KRT15: variants seen among roughly 807,000 people sequenced by gnomAD.
KRT15 encodes the protein keratin, type I cytoskeletal 15.
A neutral mutation model predicts 46.6 loss-of-function variants in KRT15; 45 were observed. The ratio of observed to expected loss-of-function variants is 0.97; its 90% CI spans 0.76 to 1.24. KRT15 has a LOEUF of 1.24. KRT15 is among the 50% of genes most tolerant of loss of function. KRT15 has a pLI of 0.00. For synonymous variants in KRT15, 221 were observed against 233.8 expected (o/e 0.95, Z 0.50); for missense variants, 592 against 588.9 (o/e 1.01, Z -0.05).
At position 41,516,891 on chromosome 17, in the gene KRT15, G is replaced by T. The variant is rs763346260; in HGVS notation, c.655C>A (p.Leu219Met). ...INGLRRVLDE[L>M]TLARTDLEMQ... ...TCCAGGTCAGTCCTGGCCAGGGTCA[G>T]CTCATCCAGGACTCGGCGCAAGCCG... The change falls in exon 3 of 8, where the codon CTG becomes ATG. Residue 219 changes from leucine (L) to methionine (M), a missense_variant. Leu to Met is a conservative substitution (Grantham distance 15, BLOSUM62 2). Transcript: ENST00000254043. 3 of 1,614,222 alleles carry T rather than the reference G, an allele frequency of 1.9e-6. No individual in the cohort carries two copies. The highest frequency in any genetic ancestry group is 2.2e-5 in the East Asian group (1 of 44,878).
intron 1 of KRT15, 22 bp downstream of exon 1, chr17:41,518,308 T>C (rs1353783278): frequency 6.3e-7 from 1 of 1,599,088 alleles, no homozygotes; most frequent in Non-Finnish European, 8.5e-7. Context: ...TGCTCCCCTC[T>C]CTTTGACATC....
Position 41,516,225 on chromosome 17 carries a change from T to G in KRT15, c.779A>C (p.Asn260Thr). ...EFSSQLAGQV[N>T]VEMDAAPGVD... Reference sequence around the variant, plus strand: ...ACCCGGTGCTGCGTCCATCTCCACATTGACCTGGCCGGCCAGCTGGCTGCT... The same window carrying G: ...ACCCGGTGCTGCGTCCATCTCCACAGTGACCTGGCCGGCCAGCTGGCTGCT... The change falls in exon 4 of 8, where the codon AAT becomes ACT. Residue 260 changes from asparagine (N) to threonine (T), a missense_variant. By Grantham distance (65) the Asn-to-Thr change is moderately conservative. Transcript: ENST00000254043. The G allele has an allele frequency of 6.2e-7, 1 of 1,614,060 alleles. No individual in the cohort carries two copies. The highest frequency in any genetic ancestry group is 8.5e-7 in the Non-Finnish European group (1 of 1,180,000).
At chr17:41,516,615 C>T (rs1366270283) in intron 3 of KRT15, among the ~76,000 whole-genome samples, 193 bp downstream of exon 3, 2 of 152,212 alleles carry the variant, frequency 1.3e-5, no homozygotes, top group African/African-American at 4.8e-5. Context: ...AGGTGTGTTT[C>T]TGAACCACTA....
At chr17:41,516,477 G>C (rs1452006116) in intron 3 of KRT15, among the ~76,000 whole-genome samples, 1 of 152,140 alleles carries the variant, frequency 6.6e-6, no homozygotes, top group Non-Finnish European at 1.5e-5. Context: ...AGACTGTAGG[G>C]CCCTGATGTG....
Position 41,518,464 on chromosome 17 carries a change from T to C in KRT15, c.364A>G (p.Lys122Glu), listed in dbSNP as rs767940611. ...TTGGCCTCCTCCAGGGCACGTACCT[T>C]GTCCAGGTAGGAGGCCAGGCGGTCA... The part of the protein sequence containing the change: ...LNDRLASYLD[K>E]VRALEEANAD... The change falls in exon 1 of 8, where the codon AAG becomes GAG. Residue 122 changes from lysine (K) to glutamate (E), a missense_variant. Transcript: ENST00000254043. 1 of 1,614,046 alleles carries C rather than the reference T, an allele frequency of 6.2e-7. No homozygotes were observed. Among genetic ancestry groups the C allele is most frequent in the Non-Finnish European group, 8.5e-7 (1 of 1,179,994 alleles).
In KRT15 at chr17:41,515,453, C is replaced by T. The variant is rs745479172; in HGVS notation, c.1247+19G>A. On this transcript the variant is annotated intron_variant, in intron 6 of 7. Transcript: ENST00000254043. ...ACAAGCAGCCCTCATCACTCCTTCC[C>T]CTGTGCCCAGGCGCCTACTTGGCAT... The T allele has an allele frequency of 1.2e-6, 2 of 1,609,258 alleles. No homozygotes were observed. The highest frequency in any genetic ancestry group is 2.2e-5 in the East Asian group (1 of 44,848).
At chr17:41,514,753 T>C (rs1427348701) in intron 6 of KRT15, 79 bp from the exon 7 acceptor site, 10 of 1,479,412 alleles carry the variant, frequency 6.8e-6, no homozygotes, top group Non-Finnish European at 8.5e-6. Flanking sequence ...TAGATAGCTA[T>C]GCAGTGTTCT....
chr17:41,514,445 C>G, intron 7 of KRT15: 1 of 610,118 alleles, frequency 1.6e-6, no homozygotes, highest in East Asian at 2.8e-5. Flanking sequence ...CCTACTCAAC[C>G]TGGAAGTTTC....
intron 1 of KRT15, among the ~76,000 whole-genome samples, chr17:41,518,108 C>T (rs780891619): frequency 2.0e-5 from 3 of 152,098 alleles, no homozygotes; most frequent in Non-Finnish European, 4.4e-5. Flanking sequence ...ACCAGATTCC[C>T]AAGACCCCTC....
Position 41,516,185 on chromosome 17 carries a change from A to T in KRT15, c.819T>A (p.Arg273=), listed in dbSNP as rs1352527183. The change falls in exon 4 of 8, where the codon CGT becomes CGA. Residue 273 remains arginine, a synonymous_variant. Transcript: ENST00000254043. ...ACTGCTCCCTCATCTCTGCCAGCAC[A>T]CGGGTCAGGTCCACACCCGGTGCTG... ...MDAAPGVDLT[R]VLAEMREQYE... The T allele has an allele frequency of 7.4e-6, 12 of 1,614,000 alleles. No individual in the cohort carries two copies. Among genetic ancestry groups the T allele is most frequent in the Non-Finnish European group, 1.0e-5 (12 of 1,180,028 alleles).
In KRT15 at chr17:41,517,450, T is replaced by C. The variant is rs1390109707; in HGVS notation, c.499-285A>G. ...AAGGAGGCAGTATTGCCTGTGGGAA[T>C]TGGTTGCCCAGGAGAGTGGGGCAGT... On this transcript the variant is annotated intron_variant, in intron 1 of 7. Transcript: ENST00000254043. 6.7e-6 allele frequency: 3 copies of C among 444,634 alleles called. No homozygotes were observed. In the East Asian group the frequency reaches 1.4e-4, roughly 21 times the overall value. The allele number at this position is 444,634 out of a possible 1,614,324, so 27.5% of individuals were successfully genotyped here. A position where few individuals can be genotyped will look rare whatever the true frequency, so the allele number is the denominator to read the frequency against.
In KRT15 at chr17:41,516,687, T is replaced by C. The variant is rs539753881; in HGVS notation, c.738+121A>G. The C allele has an allele frequency of 2.5e-6, 3 of 1,177,682 alleles. No homozygotes were observed. In the East Asian group the frequency reaches 7.2e-5, roughly 28 times the overall value. The allele number at this position is 1,177,682 out of a possible 1,614,324, so 73.0% of individuals were successfully genotyped here. A position where few individuals can be genotyped will look rare whatever the true frequency, so the allele number is the denominator to read the frequency against. ...CACTCTGCCTCCCACTGACTTAATC[T>C]CGTGAAAATCTGGGAGGGCTTCCTG... On this transcript the variant is annotated intron_variant, in intron 3 of 7. Transcript: ENST00000254043.
intron 1 of KRT15, chr17:41,517,409 C>T: frequency 3.8e-6 from 2 of 530,560 alleles, no homozygotes; most frequent in Non-Finnish European, 6.8e-6. Flanking sequence ...TCCTTATCTC[C>T]AGGGCACGAA....
rs1358569986 is a variant in KRT15 at position 41,518,348 on chromosome 17, A to C, written c.480T>G (p.Ile160Met). 4 of 1,612,940 alleles carry C rather than the reference A, an allele frequency of 2.5e-6. No homozygotes were observed. The highest frequency in any genetic ancestry group is 3.3e-5 in the Admixed American group (2 of 60,000). Residue 160 changes from isoleucine (I) to methionine (M), a missense_variant, in exon 1 of 8, where the codon ATT becomes ATG. By Grantham distance (10) the Ile-to-Met change is conservative (BLOSUM62 1). Coordinates refer to ENST00000254043, the MANE Select transcript of KRT15 (RefSeq NM_002275.4). ...ECDYSQYFKT[I>M]EELRDKIMAT... The stretch of plus-strand genomic sequence containing the variant: ...GACTCACCTTGTCCCGGAGCTCTTC[A>C]ATGGTCTTGAAGTATTGGCTGTAGT...
Position 41,516,253 on chromosome 17 carries a change from A to T in KRT15, c.751T>A (p.Phe251Ile). 6.2e-7 allele frequency: 1 copy of T among 1,612,806 alleles called. No individual in the cohort carries two copies. The change falls in exon 4 of 8, where the codon TTC (phenylalanine) becomes ATC (isoleucine). Residue 251 changes from phenylalanine to isoleucine, a missense_variant. Physicochemically the swap from Phe to Ile is conservative, Grantham distance 21 (BLOSUM62 0). Coordinates refer to ENST00000254043, the MANE Select transcript of KRT15 (RefSeq NM_002275.4). Reference protein sequence around the residue: ...KKNHEEEMKEFSSQLAGQVNV... With the variant: ...KKNHEEEMKEISSQLAGQVNV... ...ACCTGGCCGGCCAGCTGGCTGCTGA[A>T]CTCCTTCATCTCCTGCAGGATGGGA...
At chr17:41,514,334 T>C (rs1905259558) in intron 7 of KRT15, 1 of 601,680 alleles carries the variant, frequency 1.7e-6, no homozygotes, top group Non-Finnish European at 3.0e-6. Context: ...AGCAACAATG[T>C]CAGGGTTTTT....
chr17:41,513,985 TG>T lies in KRT15; in HGVS notation c.*37del. On this transcript the variant is annotated 3_prime_UTR_variant, in exon 8 of 8. Coordinates refer to ENST00000254043, the MANE Select transcript of KRT15 (RefSeq NM_002275.4). ...AGTCCTCCACTTGGCCTGATGAGAGTGGGGAGTGGCAAGGGACGTTTCTCCT... is the reference window on the plus strand; with the variant it reads ...AGTCCTCCACTTGGCCTGATGAGAGTGGGAGTGGCAAGGGACGTTTCTCCT... The T allele has an allele frequency of 6.9e-7, 1 of 1,457,046 alleles. No homozygotes were observed. The highest frequency in any genetic ancestry group is 1.4e-5 in the African/African-American group (1 of 71,902). 90.3% of individuals were successfully genotyped at this position (1,457,046 alleles called of 1,614,324 possible).
At chr17:41,514,386 G>T in intron 7 of KRT15, 1 of 597,366 alleles carries the variant, frequency 1.7e-6, no homozygotes, top group South Asian at 2.0e-5. Flanking sequence ...GCATCTTAGC[G>T]GAAGTGTATG....
chr17:41,516,103 C>A lies in KRT15; in HGVS notation c.900+1G>T, dbSNP rs111424433. 3 of 1,614,156 alleles carry A rather than the reference C, an allele frequency of 1.9e-6. No individual in the cohort carries two copies. The highest frequency in any genetic ancestry group is 2.5e-6 in the Non-Finnish European group (3 of 1,180,020). Reference sequence around the variant, plus strand: ...AGGGCAGGGCAGGATATAAGGCCCACCTTGCTGAAGAACCAGGCCTCGACA... The same window carrying A: ...AGGGCAGGGCAGGATATAAGGCCCAACTTGCTGAAGAACCAGGCCTCGACA... On this transcript the variant is annotated splice_donor_variant, in intron 4 of 7. Coordinates refer to ENST00000254043, the MANE Select transcript of KRT15 (RefSeq NM_002275.4). LOFTEE classifies it high-confidence loss of function.
Sources: allele counts gnomAD v4.1 joint callset (sites outside exome capture counted in the v4.1 genomes callset), GRCh38; gene constraint gnomAD v4.1.1; transcripts MANE v1.5; gene names NCBI Gene and HGNC (gene_info 2026-07-23, HGNC 2026-07-21).